ROCK2: variants seen among roughly 807,000 people sequenced by gnomAD.
The protein encoded by ROCK2 is Rho associated coiled-coil containing protein kinase 2.
ROCK2 carries 61 observed loss-of-function variants against 195.1 expected under a neutral mutation model. The ratio of observed to expected loss-of-function variants is 0.31; its 90% CI spans 0.25 to 0.39. The LOEUF is 0.39. ROCK2 is among the 10% of genes least tolerant of loss of function. ROCK2 has a pLI of 1.00. For synonymous variants in ROCK2, 504 were observed against 545.5 expected (o/e 0.92, Z 1.06); for missense variants, 1,109 against 1,637.4 (o/e 0.68, Z 5.57).
chr2:11,338,440 AT>A (rs1668999801), intron 1 of ROCK2, among the ~76,000 whole-genome samples: 2 of 152,250 alleles, frequency 1.3e-5, no homozygotes, highest in Non-Finnish European at 2.9e-5. Context: ...TGGAAAAAAA[AT>A]AAAAATTAAA....
intron 3 of ROCK2, among the ~76,000 whole-genome samples, chr2:11,280,854 A>G (rs1227539593): frequency 6.6e-6 from 1 of 152,346 alleles, no homozygotes; most frequent in East Asian, 1.9e-4. Context: ...GAAATTATCT[A>G]TAATGTATTT....
intron 3 of ROCK2, among the ~76,000 whole-genome samples, chr2:11,261,395 T>C (rs1470827090): frequency 6.6e-6 from 1 of 152,242 alleles, no homozygotes. Context: ...TTATTATTAT[T>C]TTCCTCAGCA....
At chr2:11,328,437 C>A (rs75715228) in intron 1 of ROCK2, among the ~76,000 whole-genome samples, 3,664 of 152,280 alleles carry the variant, frequency 0.024, 174 homozygotes, top group African/African-American at 0.084. Context: ...GTACAGTTTA[C>A]AGAACACTAG....
In ROCK2 at chr2:11,307,534, G is replaced by C. The variant is rs1020248150; in HGVS notation, c.142-19798C>G. Among the ~76,000 whole-genome samples, 11 of 152,016 alleles carry C rather than the reference G, an allele frequency of 7.2e-5. No homozygotes were observed. The East Asian group carries it at 2.1e-3, about 29-fold the overall frequency. On this transcript the variant is annotated intron_variant, in intron 1 of 32. Transcript: ENST00000315872. ...TCACCATGATGTCCAGGATGGTCTC[G>C]ATCTCTTGACCTCGTGATCCGCCCG...
chr2:11,235,105 A>G lies in ROCK2; in HGVS notation c.723+597T>C, dbSNP rs1665156131. ...AATTACTTACTGCACACTTACAGAG[A>G]AAAGGGCAAGATATATAAATTTTAC... On this transcript the variant is annotated intron_variant, in intron 5 of 32. Transcript: ENST00000315872. The surrounding 1 kb of genome is among the most constrained non-coding windows in gnomAD (Gnocchi z 4.2). Among the ~76,000 whole-genome samples, 1 of 152,166 alleles carries G rather than the reference A, an allele frequency of 6.6e-6. No homozygotes were observed. The highest frequency in any genetic ancestry group is 2.1e-4 in the South Asian group (1 of 4,830).
chr2:11,225,611 C>T (rs996552824), intron 6 of ROCK2, among the ~76,000 whole-genome samples: 10 of 152,070 alleles, frequency 6.6e-5, no homozygotes, highest in African/African-American at 2.2e-4. Flanking sequence ...AAGAGCTGAG[C>T]TAGCACCACC....
At chr2:11,248,789 T>C (rs1179985575) in intron 4 of ROCK2, among the ~76,000 whole-genome samples, 1 of 128,178 alleles carries the variant, frequency 7.8e-6, no homozygotes, top group African/African-American at 3.1e-5. Flanking sequence ...CACAGTCAAA[T>C]AAAAGGCAAA....
Position 11,287,622 on chromosome 2 carries a change from A to T in ROCK2, c.223+33T>A, listed in dbSNP as rs548882066. 7.9e-6 allele frequency: 5 copies of T among 635,844 alleles called. No individual in the cohort carries two copies. In the Admixed American group the frequency reaches 9.7e-5, roughly 12 times the overall value. The allele number at this position is 635,844 out of a possible 1,614,324, so 39.4% of individuals were successfully genotyped here. A position where few individuals can be genotyped will look rare whatever the true frequency, so the allele number is the denominator to read the frequency against. On this transcript the variant is annotated intron_variant, in intron 2 of 32. Transcript: ENST00000315872. ...AAAATCTCTTATCAAAAGTAGAGTT[A>T]TAAGATCAAATATGAAGTTTAAACA...
At chr2:11,257,542 C>G (rs771827594) in intron 3 of ROCK2, among the ~76,000 whole-genome samples, 1 of 151,360 alleles carries the variant, frequency 6.6e-6, no homozygotes, top group Non-Finnish European at 1.5e-5. Flanking sequence ...TGAGTTTCTT[C>G]GAGTTGCTGC....
Position 11,221,270 on chromosome 2 carries a change from G to C in ROCK2, c.1187C>G (p.Thr396Ser), listed in dbSNP as rs999968637. 6.3e-7 allele frequency: 1 copy of C among 1,591,392 alleles called. No individual in the cohort carries two copies. Among genetic ancestry groups the C allele is most frequent in the Non-Finnish European group, 8.5e-7 (1 of 1,171,068 alleles). ...AACAAAAGCTTTAGGAATTGGGAAG[G>C]TTTCTACATCTCCTTTGTCATCTTC... ...DIEDDKGDVE[T>S]FPIPKAFVGN... The change falls in exon 9 of 33, where the codon ACC becomes AGC. Residue 396 changes from threonine (T) to serine (S), a missense_variant. By Grantham distance (58) the Thr-to-Ser change is moderately conservative. Coordinates refer to ENST00000315872, the MANE Select transcript of ROCK2 (RefSeq NM_004850.5).
At chr2:11,282,596 A>G (rs1335126329) in intron 3 of ROCK2, among the ~76,000 whole-genome samples, 1 of 135,048 alleles carries the variant, frequency 7.4e-6, no homozygotes, top group African/African-American at 2.6e-5. Context: ...GAATAACTGA[A>G]TATCTACATG....
At chr2:11,276,149 A>G (rs1666819826) in intron 3 of ROCK2, among the ~76,000 whole-genome samples, 1 of 152,254 alleles carries the variant, frequency 6.6e-6, no homozygotes, top group Non-Finnish European at 1.5e-5. Flanking sequence ...CGCTAAGATA[A>G]AGAACAAGAA....
At chr2:11,226,541 A>AT (rs1348640005) in intron 6 of ROCK2, among the ~76,000 whole-genome samples, 1 of 152,130 alleles carries the variant, frequency 6.6e-6, no homozygotes, top group Non-Finnish European at 1.5e-5. Context: ...AACTAAAGAG[A>AT]TTTTTACTTC....
chr2:11,241,119 A>G (rs1046698098), intron 4 of ROCK2, among the ~76,000 whole-genome samples: 1 of 152,208 alleles, frequency 6.6e-6, no homozygotes, highest in Non-Finnish European at 1.5e-5. Flanking sequence ...CTACAAGGAT[A>G]TATGTAATAA....
chr2:11,245,870 C>T (rs1558323463), intron 4 of ROCK2, among the ~76,000 whole-genome samples: 1 of 152,082 alleles, frequency 6.6e-6, no homozygotes. Context: ...ACTGATTCTC[C>T]CCCAAAATTG....
intron 3 of ROCK2, among the ~76,000 whole-genome samples, chr2:11,264,937 A>G (rs1353657051): frequency 2.0e-5 from 3 of 152,198 alleles, no homozygotes; most frequent in African/African-American, 7.2e-5. Flanking sequence ...GATGGTTATG[A>G]CCATATGTCA....
chr2:11,312,886 G>C (rs1668079156), intron 1 of ROCK2, among the ~76,000 whole-genome samples: 2 of 152,070 alleles, frequency 1.3e-5, no homozygotes, highest in African/African-American at 4.8e-5. Context: ...CCTACGCACT[G>C]GACAATTCCA....
chr2:11,183,477 TGAAA>T, intron 32 of ROCK2, 37 bp from the exon 33 acceptor site: 1 of 1,491,414 alleles, frequency 6.7e-7, no homozygotes, highest in Non-Finnish European at 9.3e-7. Context: ...GTTGATACAG[TGAAA>T]TAATTTAAGA....
intron 3 of ROCK2, among the ~76,000 whole-genome samples, chr2:11,283,632 A>G (rs901655648): frequency 6.6e-6 from 1 of 152,024 alleles, no homozygotes; most frequent in African/African-American, 2.4e-5. Context: ...ATGGCAAATA[A>G]GTATATGAAA....
Sources: allele counts gnomAD v4.1 joint callset (sites outside exome capture counted in the v4.1 genomes callset), GRCh38; gene constraint gnomAD v4.1.1; non-coding constraint Gnocchi (gnomAD v3.1); transcripts MANE v1.5; gene names NCBI Gene and HGNC (gene_info 2026-07-23, HGNC 2026-07-21).